The following CNBD1 variants were observed in gnomAD, a reference collection of about 807,000 sequenced individuals.
The protein encoded by CNBD1 is cyclic nucleotide-binding domain-containing protein 1.
Under a neutral mutation model 54.4 loss-of-function variants are expected in CNBD1, and 71 were observed. The observed-to-expected ratio is 1.30, with a 90% CI of 1.08 to 1.59. The LOEUF (loss-of-function observed/expected upper bound fraction) is 1.59. Among genes scored for constraint, CNBD1 ranks in the 40% most tolerant of loss-of-function variants. The pLI is 0.00. For synonymous variants in CNBD1, 182 were observed against 170.7 expected (o/e 1.07, Z -0.51); for missense variants, 659 against 518.0 (o/e 1.27, Z -2.64).
chr8:86,913,352 T>C (rs1040436718), intron 3 of CNBD1, among the ~76,000 whole-genome samples: 15 of 151,986 alleles, frequency 9.9e-5, no homozygotes, highest in African/African-American at 3.1e-4. Flanking sequence ...ACCTTTTTTG[T>C]GTTTAGATAT....
intron 4 of CNBD1, among the ~76,000 whole-genome samples, chr8:87,058,182 G>A (rs1393948068): frequency 1.3e-5 from 2 of 152,156 alleles, no homozygotes; most frequent in African/African-American, 2.4e-5. Flanking sequence ...TTGACTCCAC[G>A]TGTCACAGCC....
chr8:87,402,991 T>C (rs989721567), intron 2 of CNBD1, among the ~76,000 whole-genome samples: 1 of 152,096 alleles, frequency 6.6e-6, no homozygotes, highest in Non-Finnish European at 1.5e-5. Context: ...AGTATTTATG[T>C]ATTTTATCAT....
chr8:87,128,132 C>G (rs1214278805), intron 4 of CNBD1, among the ~76,000 whole-genome samples: 3 of 152,186 alleles, frequency 2.0e-5, no homozygotes, highest in Non-Finnish European at 4.4e-5. Flanking sequence ...CTGAGAGCCA[C>G]CTCCACCACT....
chr8:86,960,545 C>T (rs1240938028), intron 4 of CNBD1, among the ~76,000 whole-genome samples: 1 of 152,194 alleles, frequency 6.6e-6, no homozygotes. Flanking sequence ...TCTGTAGACT[C>T]CACCTCTCGG....
chr8:87,115,456 A>T (rs1586266603), intron 4 of CNBD1, among the ~76,000 whole-genome samples: 3 of 152,296 alleles, frequency 2.0e-5, no homozygotes, highest in Admixed American at 2.0e-4. Context: ...ATAATTACAT[A>T]AATAAGAATG....
rs117771391 is a variant in CNBD1 at position 86,979,259 on chromosome 8, A to G, written c.431+39505A>G. 6.6e-5 allele frequency among the ~76,000 whole-genome samples: 10 copies of G among 152,114 alleles called. No individual in the cohort carries two copies. In the East Asian group the frequency reaches 1.7e-3, roughly 26 times the overall value. Reference sequence around the variant, plus strand: ...TTTCCTTTTTTAAAATTAAAAGAATAAAGACTATAATAAATAACACTGAGG... The same window carrying G: ...TTTCCTTTTTTAAAATTAAAAGAATGAAGACTATAATAAATAACACTGAGG... On this transcript the variant is annotated intron_variant, in intron 4 of 10. Coordinates refer to ENST00000518476, the MANE Select transcript of CNBD1 (RefSeq NM_173538.3).
At chr8:87,352,040 A>G (rs2130928336) in intron 9 of CNBD1, among the ~76,000 whole-genome samples, 1 of 152,332 alleles carries the variant, frequency 6.6e-6, no homozygotes, top group Middle Eastern at 3.4e-3. Context: ...TCACGTTCTT[A>G]TTCATTAGAG....
At chr8:87,392,060 C>T (rs1811319877) in intron 2 of CNBD1, among the ~76,000 whole-genome samples, 1 of 152,020 alleles carries the variant, frequency 6.6e-6, no homozygotes, top group African/African-American at 2.4e-5. Context: ...AAGGTACTCA[C>T]TTTCACTAGT....
chr8:87,399,413 C>T (rs938205751), intron 2 of CNBD1, among the ~76,000 whole-genome samples: 1 of 151,972 alleles, frequency 6.6e-6, no homozygotes, highest in Admixed American at 6.6e-5. Context: ...CATTTGTGAA[C>T]ATTATGAAGG....
chr8:87,340,317 G>A lies in CNBD1; in HGVS notation c.1043-11368G>A, dbSNP rs914399606. ...TGCTTTCAAAATTAACTCTGTCTTT[G>A]ACTTTTGACAATTTGCCTATCAAAA... On this transcript the variant is annotated intron_variant, in intron 8 of 10. Transcript: ENST00000518476. Among the ~76,000 whole-genome samples, 5 of 152,204 alleles carry A rather than the reference G, an allele frequency of 3.3e-5. No homozygotes were observed. The East Asian group carries it at 9.7e-4, about 29-fold the overall frequency.
At chr8:87,369,903 G>T (rs1182095343) in intron 10 of CNBD1, among the ~76,000 whole-genome samples, 1 of 150,520 alleles carries the variant, frequency 6.6e-6, no homozygotes, top group Non-Finnish European at 1.5e-5. Flanking sequence ...ACAGTCCCCA[G>T]AGTGTGATGT....
At chr8:86,873,128 T>C (rs996577178) in intron 1 of CNBD1, among the ~76,000 whole-genome samples, 9 of 148,556 alleles carry the variant, frequency 6.1e-5, no homozygotes, top group African/African-American at 2.2e-4. Flanking sequence ...TGAGATGGAG[T>C]TTCACTCTTG....
At chr8:86,902,659 T>C (rs1318484921) in intron 2 of CNBD1, among the ~76,000 whole-genome samples, 1 of 152,004 alleles carries the variant, frequency 6.6e-6, no homozygotes, top group Non-Finnish European at 1.5e-5. Flanking sequence ...TATTTTCTTA[T>C]AGATGAGTTT....
At chr8:86,969,746 A>G (rs61441989) in intron 4 of CNBD1, among the ~76,000 whole-genome samples, 1 of 151,216 alleles carries the variant, frequency 6.6e-6, no homozygotes, top group African/African-American at 2.4e-5. Context: ...AGTCATCTAA[A>G]TTTTTTTCTC....
intron 5 of CNBD1, among the ~76,000 whole-genome samples, chr8:87,211,253 T>C (rs950838206): frequency 2.6e-5 from 4 of 152,196 alleles, no homozygotes; most frequent in Non-Finnish European, 5.9e-5. Context: ...AAGTAAATAG[T>C]ACTTTTTGAT....
At chr8:87,287,685 G>A (rs998225141) in intron 8 of CNBD1, among the ~76,000 whole-genome samples, 4 of 152,046 alleles carry the variant, frequency 2.6e-5, no homozygotes, top group South Asian at 2.1e-4. Flanking sequence ...ACAGGAAAAC[G>A]AGGTTCAGCA....
At chr8:86,930,739 G>A (rs997557547) in intron 3 of CNBD1, among the ~76,000 whole-genome samples, 12 of 152,218 alleles carry the variant, frequency 7.9e-5, no homozygotes, top group Non-Finnish European at 1.8e-4. Context: ...AGTCTCCATT[G>A]ACTGTTCAGT....
At chr8:86,945,335 T>C (rs1002157301) in intron 4 of CNBD1, among the ~76,000 whole-genome samples, 1 of 152,134 alleles carries the variant, frequency 6.6e-6, no homozygotes, top group African/African-American at 2.4e-5. Context: ...CTGAAGATCA[T>C]TATGTTTCAG....
At chr8:86,900,942 A>G (rs1272999581) in intron 2 of CNBD1, among the ~76,000 whole-genome samples, 5 of 152,182 alleles carry the variant, frequency 3.3e-5, no homozygotes, top group Non-Finnish European at 7.4e-5. Flanking sequence ...TTGCAATGGC[A>G]TGTGGAACTT....
Sources: allele counts gnomAD v4.1 joint callset (sites outside exome capture counted in the v4.1 genomes callset), GRCh38; gene constraint gnomAD v4.1.1; transcripts MANE v1.5; gene names NCBI Gene and HGNC (gene_info 2026-07-23, HGNC 2026-07-21).